The following KNOP1 variants were observed in gnomAD, a reference collection of about 807,000 sequenced individuals.
KNOP1 encodes the protein lysine-rich nucleolar protein 1.
KNOP1 carries 20 observed loss-of-function variants against 30.6 expected under a neutral mutation model. The ratio of observed to expected loss-of-function variants is 0.65; its 90% CI spans 0.46 to 0.95. The LOEUF is 0.95. Among genes scored for constraint, KNOP1 ranks in the 40% least tolerant of loss-of-function variants. The probability of loss-of-function intolerance (pLI) is 0.00; values close to 1 mark genes in which losing one functional copy is unlikely to be tolerated. For synonymous variants in KNOP1, 204 were observed against 210.0 expected (o/e 0.97, Z 0.25); for missense variants, 540 against 562.0 (o/e 0.96, Z 0.40).
chr16:19,706,707 T>C lies in KNOP1; in HGVS notation c.*203A>G, dbSNP rs748146273. ...TGTTCAATGTGAGCCAACTGTCAGA[T>C]GGCTTTCATTTGCACAACTGAATAA... On this transcript the variant is annotated 3_prime_UTR_variant, in exon 5 of 5. Coordinates refer to ENST00000219837, the MANE Select transcript of KNOP1 (RefSeq NM_001012991.3). 9.9e-5 allele frequency: 60 copies of C among 608,794 alleles called. No homozygotes were observed. Among genetic ancestry groups the C allele is most frequent in the Non-Finnish European group, 1.5e-4 (54 of 349,460 alleles). The allele number at this position is 608,794 out of a possible 1,614,324, so 37.7% of individuals were successfully genotyped here.
At chr16:19,718,109 A>T (rs1977294324) in intron 1 of KNOP1, 49 bp downstream of exon 1, 1 of 1,438,602 alleles carries the variant, frequency 7.0e-7, no homozygotes, top group South Asian at 1.5e-5. Context: ...CCTCTGGTGC[A>T]ATCTCCACAC....
At position 19,707,357 on chromosome 16, in the gene KNOP1, C is replaced by G. The variant is rs983471714; in HGVS notation, c.1066-136G>C. 4.5e-6 allele frequency: 3 copies of G among 671,956 alleles called. No homozygotes were observed. In the East Asian group the frequency reaches 8.1e-5, roughly 18 times the overall value. The allele number at this position is 671,956 out of a possible 1,614,324, so 41.6% of individuals were successfully genotyped here. ...CCAGGCACAGTGCTAATAAGCTCAACAACGGATTATTCCGTTAATCCTAAA... is the reference window on the plus strand; with the variant it reads ...CCAGGCACAGTGCTAATAAGCTCAAGAACGGATTATTCCGTTAATCCTAAA... On this transcript the variant is annotated intron_variant, in intron 4 of 4. Transcript: ENST00000219837.
intron 2 of KNOP1, chr16:19,711,655 T>C (rs971500121): frequency 1.2e-5 from 7 of 576,166 alleles, no homozygotes; most frequent in Admixed American, 3.0e-5. Context: ...ACTAAACTAT[T>C]TGACGGATGA....
intron 3 of KNOP1, 82 bp downstream of exon 3, chr16:19,711,290 T>C: frequency 7.0e-7 from 1 of 1,430,634 alleles, no homozygotes; most frequent in Non-Finnish European, 9.8e-7. Context: ...CAGGATCACC[T>C]AGCCAGCCTG....
At position 19,706,577 on chromosome 16, in the gene KNOP1, G is replaced by T; in HGVS notation, c.*333C>A. The stretch of plus-strand genomic sequence containing the variant: ...GGAATGTTTAACACAGAAAACAGGA[G>T]GTTTTAGCACTCACTCGTTCTCCTG... On this transcript the variant is annotated 3_prime_UTR_variant, in exon 5 of 5. Coordinates refer to ENST00000219837, the MANE Select transcript of KNOP1 (RefSeq NM_001012991.3). 3.3e-6 allele frequency: 1 copy of T among 303,336 alleles called. No homozygotes were observed. The highest frequency in any genetic ancestry group is 3.9e-5 in the South Asian group (1 of 25,972). 18.8% of individuals were successfully genotyped at this position (303,336 alleles called of 1,614,324 possible). A position where few individuals can be genotyped will look rare whatever the true frequency, so the allele number is the denominator to read the frequency against.
Position 19,707,226 on chromosome 16 carries a change from G to A in KNOP1, c.1066-5C>T, listed in dbSNP as rs1160069309. The A allele has an allele frequency of 3.1e-6, 5 of 1,607,430 alleles. No individual in the cohort carries two copies. The highest frequency in any genetic ancestry group is 1.9e-4 in the Middle Eastern group (1 of 5,140). ...CCACTGGCCAAACTGGGTTCCCTGT[G>A]AGGAGAGGAAAAAGGTGGCTATTTT... On this transcript the variant is annotated splice_region_variant and splice_polypyrimidine_tract_variant and intron_variant, in intron 4 of 4. Transcript: ENST00000219837.
At chr16:19,718,025 C>T (rs912031550) in intron 1 of KNOP1, 133 bp downstream of exon 1, 93 of 1,374,396 alleles carry the variant, frequency 6.8e-5, no homozygotes, top group Non-Finnish European at 7.9e-5. Flanking sequence ...CCGGAGCGGG[C>T]GCACACCGAC....
At position 19,704,084 on chromosome 16, in the gene KNOP1, T is replaced by G. The variant is rs1021549956; in HGVS notation, c.*2826A>C. 2 of 152,210 alleles carry G rather than the reference T, an allele frequency of 1.3e-5. No homozygotes were observed. Among genetic ancestry groups the G allele is most frequent in the Admixed American group, 6.5e-5 (1 of 15,272 alleles). The allele number at this position is 152,210 out of a possible 1,614,324, so 9.4% of individuals were successfully genotyped here. On this transcript the variant is annotated 3_prime_UTR_variant, in exon 5 of 5. Transcript: ENST00000219837. ...CTCCACAATCACCCAAAGACAGTTT[T>G]TTTTTGTTTGTTTTTGAGACAGAGT...
At chr16:19,712,256 T>C (rs953406703) in intron 2 of KNOP1, among the ~76,000 whole-genome samples, 1 of 152,110 alleles carries the variant, frequency 6.6e-6, no homozygotes, top group East Asian at 1.9e-4. Flanking sequence ...CCAAGGCTAA[T>C]GGACTAGGGC....
chr16:19,712,994 C>T (rs1272631730), intron 2 of KNOP1, among the ~76,000 whole-genome samples: 2 of 152,198 alleles, frequency 1.3e-5, no homozygotes, highest in Non-Finnish European at 2.9e-5. Context: ...ATCATCCACT[C>T]CTTCCCTCCT....
intron 4 of KNOP1, among the ~76,000 whole-genome samples, chr16:19,708,039 G>A (rs1462123548): frequency 6.8e-6 from 1 of 146,758 alleles, no homozygotes; most frequent in East Asian, 2.1e-4. Context: ...CTCCCCACAG[G>A]GCGCACCTCC....
intron 4 of KNOP1, chr16:19,710,233 C>T (rs1159218193): frequency 1.9e-6 from 1 of 530,922 alleles, no homozygotes; most frequent in African/African-American, 1.9e-5. Context: ...AGTGATTAAT[C>T]CTTAGGACAC....
intron 1 of KNOP1, chr16:19,716,312 G>C (rs1337653085): frequency 6.6e-6 from 1 of 152,388 alleles, no homozygotes. Context: ...CAAGAAGCAA[G>C]TAGGTGTGGG....
rs1976237939 is a variant in KNOP1, at chr16:19,703,326, T to TTAAG, written c.*3580_*3583dup. 6.6e-6 allele frequency: 1 copy of TTAAG among 152,286 alleles called. No individual in the cohort carries two copies. Among genetic ancestry groups the TTAAG allele is most frequent in the Admixed American group, 6.5e-5 (1 of 15,282 alleles). The allele number at this position is 152,286 out of a possible 1,614,324, so 9.4% of individuals were successfully genotyped here. On this transcript the variant is annotated 3_prime_UTR_variant, in exon 5 of 5. Coordinates refer to ENST00000219837, the MANE Select transcript of KNOP1 (RefSeq NM_001012991.3). ...CCAGCAGTGTCTAGTCAAGTCTTTC[T>TTAAG]TAAGTCTCTTTGATGTGGACTCTTT...
rs116451007 is a variant in KNOP1 at position 19,709,492 on chromosome 16, G to A, written c.1065+1017C>T. Among the ~76,000 whole-genome samples the A allele has an allele frequency of 4.2e-3, 639 of 152,308 alleles. 4 individuals are homozygous for A. Among genetic ancestry groups the A allele is most frequent in the African/African-American group, 0.015 (606 of 41,576 alleles). ...CTTCTACCAGGTCTTCCCGCTTGCC[G>A]AGTCAATGCCCTCCAGCCAATCCCA... On this transcript the variant is annotated intron_variant, in intron 4 of 4. Coordinates refer to ENST00000219837, the MANE Select transcript of KNOP1 (RefSeq NM_001012991.3).
rs540241275 is a variant in KNOP1, at chr16:19,708,178, T to C, written c.1066-957A>G. Among the ~76,000 whole-genome samples, 17 of 151,408 alleles carry C rather than the reference T, an allele frequency of 1.1e-4. No individual in the cohort carries two copies. The East Asian group carries it at 1.6e-3, about 14-fold the overall frequency. On this transcript the variant is annotated intron_variant, in intron 4 of 4. Transcript: ENST00000219837. The stretch of plus-strand genomic sequence containing the variant: ...AGTGTGCTTCTCAGAAGCACTGTTT[T>C]ATGGCGGGAACGGGTGCGGGCCCAC...
rs1417299049 is a variant in KNOP1 at position 19,707,036 on chromosome 16, C to A, written c.1251G>T (p.Gln417His). ...AGCTCATGGCCCGGTCGTAGTCCCG[C>A]TGCAGATTCTGCTGCAGGCTGTCAG... ...KAADSLQQNLQRDYDRAMSWK... is the reference protein window; with the variant it reads ...KAADSLQQNLHRDYDRAMSWK... The change falls in exon 5 of 5, where the codon CAG becomes CAT. Residue 417 changes from glutamine to histidine, a missense_variant. Transcript: ENST00000219837. The A allele has an allele frequency of 2.5e-6, 4 of 1,614,212 alleles. No individual in the cohort carries two copies. The South Asian group carries it at 4.4e-5, about 18-fold the overall frequency.
chr16:19,712,186 C>T (rs1030722325), intron 2 of KNOP1: 2 of 152,154 alleles, frequency 1.3e-5, no homozygotes, highest in Non-Finnish European at 2.9e-5. Context: ...GCGGCTGGGC[C>T]CAAGCCTCTA....
intron 4 of KNOP1, chr16:19,710,183 A>G (rs1976633858): frequency 5.1e-6 from 2 of 389,752 alleles, no homozygotes; most frequent in Non-Finnish European, 9.7e-6. Flanking sequence ...CTCCAAAGGC[A>G]TCGTCCACCA....
Sources: allele counts gnomAD v4.1 joint callset (sites outside exome capture counted in the v4.1 genomes callset), GRCh38; gene constraint gnomAD v4.1.1; transcripts MANE v1.5; gene names NCBI Gene and HGNC (gene_info 2026-07-23, HGNC 2026-07-21).